Variants in ANO3 observed in about 807,000 individuals in gnomAD.
The protein encoded by ANO3 is anoctamin 3, also known as anoctamin-3.
In ANO3, 99 loss-of-function variants were observed where a neutral mutation model predicts 144.8. The observed-to-expected ratio is 0.68, with a 90% CI of 0.58 to 0.81. The LOEUF (loss-of-function observed/expected upper bound fraction) is 0.81, where lower values mean the gene tolerates loss of function less well. Among genes scored for constraint, ANO3 ranks in the 30% least tolerant of loss-of-function variants. The probability of loss-of-function intolerance (pLI) is 0.00; values close to 1 mark genes in which losing one functional copy is unlikely to be tolerated. For missense variants in ANO3, 905 were observed against 1,202.2 expected (o/e 0.75, Z 3.66); for synonymous variants, 414 against 392.6 (o/e 1.05, Z -0.64).
intron 1 of ANO3, among the ~76,000 whole-genome samples, chr11:26,434,424 C>A (rs1051599081): frequency 6.6e-6 from 1 of 152,024 alleles, no homozygotes; most frequent in Non-Finnish European, 1.5e-5. Context: ...ATCTCTCGTT[C>A]TTCAGTTTAC....
Position 26,559,516 on chromosome 11 carries a change from GT to G in ANO3, c.1387-201del, listed in dbSNP as rs1296596363. 5 of 548,210 alleles carry G rather than the reference GT, an allele frequency of 9.1e-6. No individual in the cohort carries two copies. The African/African-American group carries it at 9.4e-5, about 10-fold the overall frequency. 34.0% of individuals were successfully genotyped at this position (548,210 alleles called of 1,614,324 possible). ...CAAGAGAGGAGAGAAGAGGGCTAAT[GT>G]TGTTTCTTCACCTCTCCCCATGAGA... On this transcript the variant is annotated intron_variant, in intron 13 of 26. Transcript: ENST00000256737.
At chr11:26,266,353 T>C (rs937429070) in intron 1 of ANO3, among the ~76,000 whole-genome samples, 1 of 152,152 alleles carries the variant, frequency 6.6e-6, no homozygotes, top group Non-Finnish European at 1.5e-5. Flanking sequence ...ACCTATTATA[T>C]GGCAAACGAT....
chr11:26,634,177 T>G, intron 18 of ANO3, 27 bp from the exon 19 acceptor site: 2 of 1,472,824 alleles, frequency 1.4e-6, no homozygotes, highest in Non-Finnish European at 1.9e-6. Flanking sequence ...ACCTCACCTG[T>G]GTCAATGCAA....
At chr11:26,505,292 C>A (rs938727577) in intron 4 of ANO3, among the ~76,000 whole-genome samples, 2 of 151,940 alleles carry the variant, frequency 1.3e-5, no homozygotes, top group African/African-American at 4.8e-5. Context: ...TGCAATCAAC[C>A]GGAATAAAGA....
chr11:26,369,595 C>T (rs1483565792), intron 1 of ANO3, among the ~76,000 whole-genome samples: 3 of 152,044 alleles, frequency 2.0e-5, no homozygotes, highest in Admixed American at 6.6e-5. Flanking sequence ...ATTCAATGCC[C>T]TTGATACTTC....
At chr11:26,347,643 C>T (rs577642888) in intron 1 of ANO3, among the ~76,000 whole-genome samples, 1 of 152,236 alleles carries the variant, frequency 6.6e-6, no homozygotes, top group African/African-American at 2.4e-5. Context: ...GGCACATGGC[C>T]CGTCCTTATT....
At chr11:26,345,392 T>A (rs1289429954) in intron 1 of ANO3, among the ~76,000 whole-genome samples, 1 of 152,096 alleles carries the variant, frequency 6.6e-6, no homozygotes, top group Non-Finnish European at 1.5e-5. Flanking sequence ...CCATCTCTAC[T>A]AAAAATAAAA....
chr11:26,457,445 C>T (rs1590377552), intron 3 of ANO3, among the ~76,000 whole-genome samples: 2 of 151,428 alleles, frequency 1.3e-5, no homozygotes, highest in African/African-American at 4.8e-5. Context: ...AAAGATAGGA[C>T]TTTTTTGGTA....
At chr11:26,340,003 G>A (rs1037902) in intron 1 of ANO3, among the ~76,000 whole-genome samples, 150,491 of 152,284 alleles carry the variant, frequency 0.99, 74,383 homozygotes, top group Middle Eastern at 1. Context: ...ACCAAGATGC[G>A]GTTGGCCTGC....
intron 17 of ANO3, among the ~76,000 whole-genome samples, chr11:26,619,102 C>T (rs1852341305): frequency 6.6e-6 from 1 of 152,070 alleles, no homozygotes; most frequent in African/African-American, 2.4e-5. Flanking sequence ...TTTTGTATGT[C>T]CAAATATTTA....
chr11:26,209,841 C>T (rs141602251), intron 1 of ANO3, among the ~76,000 whole-genome samples: 45,698 of 151,498 alleles, frequency 0.3, 7,569 homozygotes, highest in Non-Finnish European at 0.37. Context: ...GGGCTGTTTG[C>T]TTTTTCTTGT....
intron 1 of ANO3, among the ~76,000 whole-genome samples, chr11:26,293,429 T>TAAC (rs1372530212): frequency 6.6e-6 from 1 of 150,506 alleles, no homozygotes; most frequent in Non-Finnish European, 1.5e-5. Context: ...TTCCAGTAAC[T>TAAC]AGATCCAGGT....
intron 17 of ANO3, among the ~76,000 whole-genome samples, chr11:26,605,244 G>A (rs907960781): frequency 2.0e-5 from 3 of 152,166 alleles, no homozygotes; most frequent in Non-Finnish European, 4.4e-5. Context: ...TGTTGAACCA[G>A]CCTTGTATCC....
chr11:26,442,157 G>A (rs773519051), intron 2 of ANO3, 45 bp downstream of exon 2: 105 of 1,571,658 alleles, frequency 6.7e-5, no homozygotes, highest in South Asian at 2.7e-4. Context: ...TAAAAACTAC[G>A]TGTTTTCCAA....
intron 1 of ANO3, among the ~76,000 whole-genome samples, chr11:26,239,472 C>T (rs1852609770): frequency 6.6e-6 from 1 of 152,118 alleles, no homozygotes; most frequent in Non-Finnish European, 1.5e-5. Context: ...GTCCCTCTGC[C>T]AGGAAGTCTC....
intron 1 of ANO3, among the ~76,000 whole-genome samples, chr11:26,317,641 C>T (rs569689030): frequency 2.0e-5 from 3 of 152,234 alleles, no homozygotes; most frequent in Non-Finnish European, 2.9e-5. Context: ...GAAATAGGAA[C>T]GCTTTTACAC....
At chr11:26,287,214 G>A (rs1853828553) in intron 1 of ANO3, 1 of 152,112 alleles carries the variant, frequency 6.6e-6, no homozygotes, top group South Asian at 2.1e-4. Flanking sequence ...GAACATTATT[G>A]TATGTTCCTA....
intron 1 of ANO3, among the ~76,000 whole-genome samples, chr11:26,295,372 A>C (rs186776954): frequency 7.9e-5 from 12 of 151,918 alleles, no homozygotes; most frequent in East Asian, 7.8e-4. Context: ...AAAATAAAAA[A>C]AAATTAGCCG....
intron 14 of ANO3, among the ~76,000 whole-genome samples, chr11:26,573,603 G>A (rs923540876): frequency 1.3e-5 from 2 of 152,100 alleles, no homozygotes; most frequent in Non-Finnish European, 2.9e-5. Context: ...CTTAACCATA[G>A]TAATTATGGC....
Sources: gnomAD v4.1 joint callset for allele counts (sites outside exome capture counted in the v4.1 genomes callset) on GRCh38, gnomAD v4.1.1 for gene constraint, MANE v1.5 for transcripts, NCBI Gene and HGNC (gene_info 2026-07-23, HGNC 2026-07-21) for gene names.